The following TLR7 variants were observed in gnomAD, a reference collection of about 807,000 sequenced individuals.
TLR7 encodes toll-like receptor 7.
In TLR7, 12 loss-of-function variants were observed where a neutral mutation model predicts 38.3. The ratio of observed to expected loss-of-function variants is 0.31; its 90% confidence interval spans 0.20 to 0.51. TLR7 has a LOEUF of 0.51. Among genes scored for constraint, TLR7 ranks in the 20% least tolerant of loss-of-function variants. The probability of loss-of-function intolerance (pLI) is 0.98; values close to 1 mark genes in which losing one functional copy is unlikely to be tolerated. For missense variants in TLR7, 504 were observed against 743.4 expected (o/e 0.68, Z 3.74); for synonymous variants, 285 against 293.8 (o/e 0.97, Z 0.31).
At chrX:12,880,062 T>C (rs2042885852) in intron 2 of TLR7, among the ~76,000 whole-genome samples, 1 of 112,089 alleles carries the variant, frequency 8.9e-6, no homozygotes, top group East Asian at 2.8e-4. Flanking sequence ...TCTTTCTACA[T>C]TGTATTTTAG....
In TLR7 at chrX:12,888,519, G is replaced by A. The variant is rs2042919170; in HGVS notation, c.3011G>A (p.Arg1004Gln). The change falls in exon 3 of 3, where the codon CGG (arginine) becomes CAG (glutamine). Residue 1004 changes from arginine (R) to glutamine (Q), a missense_variant. Arg to Gln is a conservative substitution (Grantham distance 43, BLOSUM62 1). Transcript: ENST00000380659. ...CAGAAGTCCAAGTTCCTCCAGCTCC[G>A]GAAAAGGCTCTGTGGGAGTTCTGTC... ...PFQKSKFLQL[R>Q]KRLCGSSVLE... 4 of 1,211,737 alleles carry A rather than the reference G, an allele frequency of 3.3e-6. No homozygotes were observed. The highest frequency in any genetic ancestry group is 3.4e-6 in the Non-Finnish European group (3 of 895,511).
chrX:12,871,107 G>A (rs773195123), intron 2 of TLR7, among the ~76,000 whole-genome samples: 2 of 111,552 alleles, frequency 1.8e-5, no homozygotes, highest in South Asian at 3.8e-4. Context: ...GGAAGTAAAT[G>A]ATAACTCTCT....
At chrX:12,876,566 G>A (rs1194234723) in intron 2 of TLR7, among the ~76,000 whole-genome samples, 1 of 111,844 alleles carries the variant, frequency 8.9e-6, no homozygotes, top group Non-Finnish European at 1.9e-5. Context: ...AGGGATCAAT[G>A]ATGTAATATA....
Position 12,888,718 on chromosome X carries a change from G to A in TLR7, c.*60G>A, listed in dbSNP as rs769564508. On this transcript the variant is annotated 3_prime_UTR_variant, in exon 3 of 3. Coordinates refer to ENST00000380659, the MANE Select transcript of TLR7 (RefSeq NM_016562.4). ...AAGGAGAGGCCTGGCTGTTTAAATT[G>A]TTTTCATATATATCACACCAAAAGC... 35 of 1,085,401 alleles carry A rather than the reference G, an allele frequency of 3.2e-5. No individual in the cohort carries two copies. The highest frequency in any genetic ancestry group is 4.3e-5 in the Non-Finnish European group (35 of 814,829). 89.4% of individuals were successfully genotyped at this position (1,085,401 alleles called of 1,213,427 possible).
chrX:12,881,398 GTTAT>G (rs59106105), intron 2 of TLR7, among the ~76,000 whole-genome samples: 4,048 of 106,787 alleles, frequency 0.038, 197 homozygotes, highest in African/African-American at 0.13. Flanking sequence ...AAATAAATGA[GTTAT>G]TTATTCTTTT....
At chrX:12,869,772 C>T (rs1012277826) in intron 2 of TLR7, among the ~76,000 whole-genome samples, 1 of 74,849 alleles carries the variant, frequency 1.3e-5, no homozygotes, top group African/African-American at 5.2e-5. Context: ...TTTAAAAAAA[C>T]AAAAGAAGTG....
Position 12,885,784 on chromosome X carries a change from A to G in TLR7, c.276A>G (p.Val92=). ...CCTTTCACAGACTGGACCATCTGGTAGAGATCGATTTCAGATGCAACTGTG... is the reference window on the plus strand; with the variant it reads ...CCTTTCACAGACTGGACCATCTGGTGGAGATCGATTTCAGATGCAACTGTG... ...PASFHRLDHL[V]EIDFRCNCVP... is the part of the protein sequence containing the mutation. The change falls in exon 3 of 3, where the codon GTA becomes GTG. Residue 92 remains valine (V), a synonymous_variant. Coordinates refer to ENST00000380659, the MANE Select transcript of TLR7 (RefSeq NM_016562.4). The G allele has an allele frequency of 8.3e-7, 1 of 1,211,844 alleles. No homozygotes were observed. The highest frequency in any genetic ancestry group is 1.1e-6 in the Non-Finnish European group (1 of 895,338).
At chrX:12,880,242 G>T (rs1410313841) in intron 2 of TLR7, among the ~76,000 whole-genome samples, 1 of 111,899 alleles carries the variant, frequency 8.9e-6, no homozygotes, top group East Asian at 2.8e-4. Flanking sequence ...GGTCCTTGGT[G>T]TGTCCCATAT....
rs1602432009 is a variant in TLR7 at position 12,867,403 on chromosome X, A to G, written c.-98-78A>G. 2.7e-5 allele frequency: 11 copies of G among 400,078 alleles called. No homozygotes were observed. The East Asian group carries it at 4.3e-4, about 16-fold the overall frequency. 33.0% of individuals were successfully genotyped at this position (400,078 alleles called of 1,213,427 possible). Reference sequence around the variant, plus strand: ...GATGTTTCAAACGCATTTTAAAGCAATGATCCTAGCATGTCTTTAAGCTAC... The same window carrying G: ...GATGTTTCAAACGCATTTTAAAGCAGTGATCCTAGCATGTCTTTAAGCTAC... On this transcript the variant is annotated intron_variant, in intron 1 of 2. Transcript: ENST00000380659.
rs1484294227 is a variant in TLR7, at chrX:12,888,659, C to T, written c.*1C>T. The T allele has an allele frequency of 2.5e-6, 3 of 1,183,297 alleles. No homozygotes were observed. The highest frequency in any genetic ancestry group is 3.4e-6 in the Non-Finnish European group (3 of 882,094). ...TCAGGTGTTCAAGGAAACGGTCTAG[C>T]CCTTCTTTGCAAAACACAACTGCCT... On this transcript the variant is annotated 3_prime_UTR_variant, in exon 3 of 3. Coordinates refer to ENST00000380659, the MANE Select transcript of TLR7 (RefSeq NM_016562.4).
At chrX:12,878,565 C>T (rs368055871) in intron 2 of TLR7, among the ~76,000 whole-genome samples, 1 of 112,383 alleles carries the variant, frequency 8.9e-6, no homozygotes, top group East Asian at 2.8e-4. Context: ...CCCTTGAATA[C>T]AGCAGCCACT....
intron 2 of TLR7, among the ~76,000 whole-genome samples, chrX:12,881,503 T>A (rs1051894912): frequency 3.0e-4 from 30 of 100,903 alleles, no homozygotes; most frequent in Non-Finnish European, 5.5e-4. Context: ...TTTTAATAAA[T>A]AATAAATAAC....
intron 2 of TLR7, 25 bp from the exon 3 acceptor site, chrX:12,885,487 G>A: frequency 8.8e-7 from 1 of 1,141,917 alleles, no homozygotes; most frequent in Non-Finnish European, 1.2e-6. Flanking sequence ...TTAGAACAAT[G>A]ATTTGTTCTT....
chrX:12,886,721 G>A lies in TLR7; in HGVS notation c.1213G>A (p.Gly405Ser). 4.1e-6 allele frequency: 5 copies of A among 1,210,084 alleles called. No homozygotes were observed. The highest frequency in any genetic ancestry group is 5.6e-6 in the Non-Finnish European group (5 of 895,020). Residue 405 changes from glycine to serine, a missense_variant, in exon 3 of 3, where the codon GGC becomes AGC. Physicochemically the swap from Gly to Ser is moderately conservative, Grantham distance 56. Transcript: ENST00000380659. ...NLQNLEVLDL[G>S]TNFIKIANLS... ...TCAAAATCTTGAAGTTCTTGATCTT[G>A]GCACTAACTTTATAAAAATTGCTAA...
intron 2 of TLR7, among the ~76,000 whole-genome samples, chrX:12,869,788 G>C (rs2042846081): frequency 9.9e-6 from 1 of 101,133 alleles, no homozygotes; most frequent in African/African-American, 3.7e-5. Context: ...AAGTGATCGT[G>C]GACATGGAAA....
rs200031329 is a variant in TLR7, at chrX:12,886,324, G to A, written c.816G>A (p.Pro272=). Residue 272 remains proline, a synonymous_variant, in exon 3 of 3, where the codon CCG becomes CCA. Transcript: ENST00000380659. ...RCYNAPFPCA[P]CKNNSPLQIP... Reference sequence around the variant, plus strand: ...ATAATGCCCCATTTCCTTGTGCGCCGTGTAAAAATAATTCTCCCCTACAGA... The same window carrying A: ...ATAATGCCCCATTTCCTTGTGCGCCATGTAAAAATAATTCTCCCCTACAGA... 6.0e-5 allele frequency: 72 copies of A among 1,209,905 alleles called. No homozygotes were observed. The highest frequency in any genetic ancestry group is 2.3e-4 in the Middle Eastern group (1 of 4,375).
At chrX:12,875,416 A>G (rs915089767) in intron 2 of TLR7, among the ~76,000 whole-genome samples, 1 of 112,268 alleles carries the variant, frequency 8.9e-6, no homozygotes, top group African/African-American at 3.2e-5. Flanking sequence ...CTGTGGGAGC[A>G]TATAATTCAT....
intron 2 of TLR7, among the ~76,000 whole-genome samples, chrX:12,879,600 A>G (rs1218129081): frequency 1.8e-5 from 2 of 111,203 alleles, no homozygotes; most frequent in South Asian, 3.8e-4. Flanking sequence ...ATTGCCCAAG[A>G]TGGCTGGCTA....
intron 2 of TLR7, among the ~76,000 whole-genome samples, chrX:12,883,615 A>G (rs5743772): frequency 0.013 from 1,486 of 111,448 alleles, 36 homozygotes; most frequent in African/African-American, 0.046. Context: ...CTGGGAAACA[A>G]TTTCAAGGAG....
Sources: allele counts gnomAD v4.1 joint callset (sites outside exome capture counted in the v4.1 genomes callset), GRCh38; gene constraint gnomAD v4.1.1; transcripts MANE v1.5; gene names NCBI Gene and HGNC (gene_info 2026-07-23, HGNC 2026-07-21).